MAP4K4: variants seen among roughly 807,000 people sequenced by gnomAD.
MAP4K4 encodes the protein mitogen-activated protein kinase kinase kinase kinase 4.
MAP4K4 carries 38 observed loss-of-function variants against 189.6 expected under a neutral mutation model. The ratio of observed to expected loss-of-function variants is 0.20; its 90% CI spans 0.15 to 0.26. The LOEUF is 0.26. MAP4K4 is among the 10% of genes least tolerant of loss of function. The probability of loss-of-function intolerance (pLI) is 1.00; values close to 1 mark genes in which losing one functional copy is unlikely to be tolerated. For synonymous variants in MAP4K4, 610 were observed against 624.3 expected (o/e 0.98, Z 0.34); for missense variants, 1,054 against 1,726.9 (o/e 0.61, Z 6.91).
intron 2 of MAP4K4, among the ~76,000 whole-genome samples, chr2:101,725,492 A>C (rs2054804709): frequency 6.6e-6 from 1 of 152,228 alleles, no homozygotes; most frequent in Non-Finnish European, 1.5e-5. Flanking sequence ...TAATCACAAA[A>C]GGTAAATGGT....
At chr2:101,700,610 G>C (rs1233051834) in intron 2 of MAP4K4, among the ~76,000 whole-genome samples, 1 of 152,154 alleles carries the variant, frequency 6.6e-6, no homozygotes, top group Non-Finnish European at 1.5e-5. Context: ...TTTCTCATCT[G>C]TATTCTTCTT....
intron 2 of MAP4K4, among the ~76,000 whole-genome samples, chr2:101,702,425 C>T (rs570851030): frequency 3.3e-5 from 5 of 151,962 alleles, no homozygotes; most frequent in South Asian, 2.1e-4. Flanking sequence ...AAAAATTAGC[C>T]GGGTGTAGTG....
intron 12 of MAP4K4, among the ~76,000 whole-genome samples, chr2:101,846,357 A>G (rs1460947037): frequency 1.3e-5 from 2 of 152,208 alleles, no homozygotes; most frequent in South Asian, 2.1e-4. Flanking sequence ...GTTTTCCACT[A>G]TCTTTTTTTG....
At chr2:101,765,386 G>T (rs1249980164) in intron 2 of MAP4K4, among the ~76,000 whole-genome samples, 1 of 152,314 alleles carries the variant, frequency 6.6e-6, no homozygotes, top group East Asian at 1.9e-4. Flanking sequence ...CTGGAGTGCA[G>T]GGGCGCAATC....
At chr2:101,738,235 G>A (rs1373452105) in intron 2 of MAP4K4, among the ~76,000 whole-genome samples, 1 of 152,084 alleles carries the variant, frequency 6.6e-6, no homozygotes, top group Non-Finnish European at 1.5e-5. Context: ...ACACCAAAGA[G>A]TACCATATAT....
intron 26 of MAP4K4, among the ~76,000 whole-genome samples, chr2:101,876,287 A>G (rs1424737674): frequency 6.6e-6 from 1 of 152,178 alleles, no homozygotes; most frequent in African/African-American, 2.4e-5. Context: ...CAGCAGTGGA[A>G]ATGTCTCCAC....
chr2:101,834,258 C>G (rs2149460070), intron 7 of MAP4K4, 151 bp from the exon 8 acceptor site: 18 of 535,570 alleles, frequency 3.4e-5, no homozygotes, highest in South Asian at 2.9e-4. Context: ...CTCCCCTCCG[C>G]TCCGTAAGTT....
intron 3 of MAP4K4, among the ~76,000 whole-genome samples, chr2:101,809,205 G>A (rs188809800): frequency 3.9e-5 from 6 of 152,166 alleles, no homozygotes; most frequent in African/African-American, 1.4e-4. Flanking sequence ...TATATAGCGC[G>A]TATATATGTT....
At chr2:101,728,643 CGAGTAGCTGG>C (rs1423463440) in intron 2 of MAP4K4, among the ~76,000 whole-genome samples, 1 of 152,104 alleles carries the variant, frequency 6.6e-6, no homozygotes, top group African/African-American at 2.4e-5. Context: ...CTCAGCCTCC[CGAGTAGCTGG>C]GACTACAGGC....
At chr2:101,759,524 CCTCCCCTCCCCATTCCACTCCCCTCCCCT>C (rs1334363057) in intron 2 of MAP4K4, among the ~76,000 whole-genome samples, 2 of 43,740 alleles carry the variant, frequency 4.6e-5, no homozygotes, top group Non-Finnish European at 8.5e-5. Context: ...TCCCCATTCC[CCTCCCCTCCCCATTCCACTCCCCTCCCCT>C]CTCCCCTCCC....
chr2:101,812,071 A>G (rs2095463243), intron 3 of MAP4K4, among the ~76,000 whole-genome samples: 1 of 152,186 alleles, frequency 6.6e-6, no homozygotes, highest in African/African-American at 2.4e-5. Flanking sequence ...TTTCATGACA[A>G]CAATACGTTT....
At chr2:101,838,694 T>C (rs894130438) in intron 9 of MAP4K4, among the ~76,000 whole-genome samples, 1 of 152,226 alleles carries the variant, frequency 6.6e-6, no homozygotes, top group East Asian at 1.9e-4. Flanking sequence ...GTATGTGTTA[T>C]AGAACCTGAC....
At chr2:101,802,100 C>A (rs2094426021) in intron 3 of MAP4K4, among the ~76,000 whole-genome samples, 1 of 152,134 alleles carries the variant, frequency 6.6e-6, no homozygotes, top group Non-Finnish European at 1.5e-5. Context: ...TTTTTGAAAT[C>A]ATAATATGTT....
exon 14 of MAP4K4, chr2:101,858,998 G>T: frequency 6.2e-7 from 1 of 1,610,532 alleles, no homozygotes; most frequent in South Asian, 1.1e-5. Flanking sequence ...TGTGACAGGA[G>T]TATATCAGGC....
intron 2 of MAP4K4, among the ~76,000 whole-genome samples, chr2:101,729,101 A>AGAGAGAGTGTGTGTGTGTGT (rs149283961): frequency 4.6e-5 from 6 of 130,606 alleles, no homozygotes; most frequent in East Asian, 4.7e-4. Flanking sequence ...AGAGAGAGAG[A>AGAGAGAGTGTGTGTGTGTGT]GTGTGTGTGT....
intron 2 of MAP4K4, among the ~76,000 whole-genome samples, chr2:101,728,935 T>C (rs999800687): frequency 6.6e-6 from 1 of 152,192 alleles, no homozygotes; most frequent in East Asian, 1.9e-4. Context: ...AAATTAAGAA[T>C]AAAATCAATC....
intron 3 of MAP4K4, among the ~76,000 whole-genome samples, chr2:101,806,359 A>C (rs937445964): frequency 1.4e-5 from 2 of 147,374 alleles, no homozygotes; most frequent in African/African-American, 2.5e-5. Context: ...GAATGCCTTC[A>C]TTTCAGCTGT....
chr2:101,816,068 G>A (rs1313588427), intron 3 of MAP4K4, among the ~76,000 whole-genome samples: 2 of 152,178 alleles, frequency 1.3e-5, no homozygotes, highest in African/African-American at 2.4e-5. Flanking sequence ...ACTCCTCTGG[G>A]CGCCGTTTGG....
chr2:101,884,684 G>C (rs2098456355), intron 28 of MAP4K4, among the ~76,000 whole-genome samples: 1 of 152,202 alleles, frequency 6.6e-6, no homozygotes, highest in African/African-American at 2.4e-5. Context: ...AATGGTCTTA[G>C]TGATACTTGG....
Sources: gnomAD v4.1 joint callset for allele counts (sites outside exome capture counted in the v4.1 genomes callset) on GRCh38, gnomAD v4.1.1 for gene constraint, MANE v1.5 for transcripts, NCBI Gene and HGNC (gene_info 2026-07-23, HGNC 2026-07-21) for gene names.